The following PARP8 variants were observed in gnomAD, a reference collection of about 807,000 sequenced individuals.
PARP8 encodes the protein protein mono-ADP-ribosyltransferase PARP8.
In PARP8, 51 loss-of-function variants were observed where a neutral mutation model predicts 124.1. The observed-to-expected ratio is 0.41, with a 90% confidence interval of 0.33 to 0.52. The LOEUF is 0.52. Among genes scored for constraint, PARP8 ranks in the 20% least tolerant of loss-of-function variants. The probability of loss-of-function intolerance (pLI) is 0.21; values close to 1 mark genes in which losing one functional copy is unlikely to be tolerated. For synonymous variants in PARP8, 391 were observed against 361.5 expected (o/e 1.08, Z -0.93); for missense variants, 860 against 1,018.9 (o/e 0.84, Z 2.12).
intron 12 of PARP8, 27 bp downstream of exon 12, chr5:50,795,444 CTTAA>C: frequency 6.5e-7 from 1 of 1,532,418 alleles, no homozygotes; most frequent in Non-Finnish European, 8.8e-7. Flanking sequence ...ATCTTGAGTT[CTTAA>C]ATGTTAGCTA....
intron 2 of PARP8, among the ~76,000 whole-genome samples, chr5:50,743,625 G>A (rs1561316347): frequency 6.6e-6 from 1 of 152,102 alleles, no homozygotes. Flanking sequence ...TGACTTGCAA[G>A]TGAACAAAGA....
At chr5:50,755,597 T>A (rs1023501838) in intron 3 of PARP8, among the ~76,000 whole-genome samples, 2 of 152,202 alleles carry the variant, frequency 1.3e-5, no homozygotes, top group Non-Finnish European at 2.9e-5. Context: ...TATAGTATAG[T>A]TTGAAGTCAG....
chr5:50,839,815 CT>C (rs959386497), intron 25 of PARP8, among the ~76,000 whole-genome samples: 10 of 151,870 alleles, frequency 6.6e-5, no homozygotes, highest in African/African-American at 2.4e-4. Context: ...CCACTAACTT[CT>C]AATGCTTTTT....
chr5:50,753,723 T>C (rs1224964632), intron 3 of PARP8, among the ~76,000 whole-genome samples: 1 of 152,028 alleles, frequency 6.6e-6, no homozygotes, highest in African/African-American at 2.4e-5. Flanking sequence ...AGCAAAAATA[T>C]CCAGAATGTA....
At chr5:50,825,764 A>G (rs1457435036) in intron 18 of PARP8, among the ~76,000 whole-genome samples, 1 of 152,200 alleles carries the variant, frequency 6.6e-6, no homozygotes, top group African/African-American at 2.4e-5. Flanking sequence ...AGAGATTGAT[A>G]TGAATGAGCA....
chr5:50,806,236 A>G (rs1454762780), intron 14 of PARP8, among the ~76,000 whole-genome samples: 1 of 152,016 alleles, frequency 6.6e-6, no homozygotes, highest in Non-Finnish European at 1.5e-5. Flanking sequence ...CTAGTAAGTA[A>G]TAGAGATAGG....
At chr5:50,813,565 C>T (rs1744728201) in intron 14 of PARP8, among the ~76,000 whole-genome samples, 1 of 152,090 alleles carries the variant, frequency 6.6e-6, no homozygotes, top group Non-Finnish European at 1.5e-5. Flanking sequence ...TCCTCTTTTC[C>T]TAATTGGATA....
chr5:50,778,227 A>G (rs575169208), intron 8 of PARP8, 98 bp downstream of exon 8: 149 of 892,928 alleles, frequency 1.7e-4, no homozygotes, highest in African/African-American at 3.4e-5. Context: ...TTATAATACT[A>G]TTAGTTACAT....
At chr5:50,816,032 T>G (rs1303856205) in intron 15 of PARP8, among the ~76,000 whole-genome samples, 1 of 150,948 alleles carries the variant, frequency 6.6e-6, no homozygotes, top group African/African-American at 2.4e-5. Flanking sequence ...TACTAATTCA[T>G]CTATAAGAAA....
At chr5:50,745,964 T>C (rs1758495592) in intron 2 of PARP8, among the ~76,000 whole-genome samples, 1 of 152,212 alleles carries the variant, frequency 6.6e-6, no homozygotes, top group African/African-American at 2.4e-5. Context: ...TTCAGGGCCA[T>C]GATTTCCAAA....
intron 3 of PARP8, among the ~76,000 whole-genome samples, chr5:50,752,766 A>T (rs568731832): frequency 6.6e-6 from 1 of 152,074 alleles, no homozygotes; most frequent in South Asian, 2.1e-4. Flanking sequence ...CTTTTCCTGG[A>T]TTATTTGGAT....
chr5:50,783,484 C>T (rs1451972848), intron 9 of PARP8, among the ~76,000 whole-genome samples: 1 of 152,100 alleles, frequency 6.6e-6, no homozygotes, highest in African/African-American at 2.4e-5. Flanking sequence ...AGATTTTATT[C>T]TCTTAACCAC....
chr5:50,794,685 T>A (rs1213310941), intron 11 of PARP8, among the ~76,000 whole-genome samples, 168 bp from the exon 12 acceptor site: 1 of 152,196 alleles, frequency 6.6e-6, no homozygotes, highest in African/African-American at 2.4e-5. Context: ...ATTCAAGTCC[T>A]GTGATCATTC....
At chr5:50,705,658 G>T (rs534875010) in intron 2 of PARP8, among the ~76,000 whole-genome samples, 3 of 152,024 alleles carry the variant, frequency 2.0e-5, no homozygotes, top group Non-Finnish European at 4.4e-5. Context: ...GATGGCGTGC[G>T]CCTGTAATCC....
chr5:50,792,670 G>A (rs1384683268), intron 10 of PARP8, among the ~76,000 whole-genome samples: 5 of 151,928 alleles, frequency 3.3e-5, no homozygotes, highest in African/African-American at 1.2e-4. Flanking sequence ...AAATCCTGCT[G>A]AAATTTTGGG....
At chr5:50,696,215 G>A (rs1753007618) in intron 2 of PARP8, among the ~76,000 whole-genome samples, 1 of 152,036 alleles carries the variant, frequency 6.6e-6, no homozygotes, top group Non-Finnish European at 1.5e-5. Flanking sequence ...TCACTTTTTA[G>A]ACTGTTTGGG....
At chr5:50,726,480 T>G (rs563676289) in intron 2 of PARP8, among the ~76,000 whole-genome samples, 47 of 152,324 alleles carry the variant, frequency 3.1e-4, no homozygotes, top group African/African-American at 1.1e-3. Context: ...TTTTCTTGTT[T>G]AGCCACATGA....
At chr5:50,797,258 C>T (rs573140518) in intron 14 of PARP8, 25 bp downstream of exon 14, 239 of 1,483,752 alleles carry the variant, frequency 1.6e-4, no homozygotes, top group East Asian at 7.4e-4. Context: ...ATAGAATGTC[C>T]GTGTTGGTTT....
At chr5:50,799,992 C>CA (rs1182656351) in intron 14 of PARP8, among the ~76,000 whole-genome samples, 1 of 152,210 alleles carries the variant, frequency 6.6e-6, no homozygotes, top group African/African-American at 2.4e-5. Flanking sequence ...ATAAGCCACC[C>CA]AGCCTATGGT....
Sources: allele counts gnomAD v4.1 joint callset (sites outside exome capture counted in the v4.1 genomes callset), GRCh38; gene constraint gnomAD v4.1.1; transcripts MANE v1.5; gene names NCBI Gene and HGNC (gene_info 2026-07-23, HGNC 2026-07-21).